Variants in MLF1 observed in about 807,000 individuals in gnomAD.
The protein encoded by MLF1 is myelodysplasia-myeloid leukemia factor 1.
In MLF1, 37 loss-of-function variants were observed where a neutral mutation model predicts 38.3. The observed-to-expected ratio is 0.96, with a 90% CI of 0.74 to 1.27. MLF1 has a LOEUF of 1.27. MLF1 is among the 50% of genes most tolerant of loss of function. The pLI is 0.00. For synonymous variants in MLF1, 95 were observed against 106.5 expected (o/e 0.89, Z 0.66); for missense variants, 331 against 349.2 (o/e 0.95, Z 0.42).
chr3:158,603,641 C>T (rs1015946802), intron 7 of MLF1, among the ~76,000 whole-genome samples: 1 of 152,056 alleles, frequency 6.6e-6, no homozygotes, highest in Admixed American at 6.5e-5. Flanking sequence ...AGTTCGATAC[C>T]AGCCTGGCCA....
rs1033454019 is a variant in MLF1 at position 158,605,094 on chromosome 3, C to T, written c.747-3C>T. On this transcript the variant is annotated splice_polypyrimidine_tract_variant and splice_region_variant and intron_variant, in intron 7 of 7. Coordinates refer to ENST00000466246, the MANE Select transcript of MLF1 (RefSeq NM_001369783.1). ...TATTAATATTCACATGTATATTTCT[C>T]AGGGAGAAACCTCAACAAAGTCCAG... The T allele has an allele frequency of 6.8e-6, 11 of 1,607,152 alleles. No individual in the cohort carries two copies. The African/African-American group carries it at 1.3e-4, about 20-fold the overall frequency.
In MLF1 at chr3:158,596,889, A is replaced by C. The variant is rs373208111; in HGVS notation, c.268A>C (p.Met90Leu). Residue 90 changes from methionine (M) to leucine (L), a missense_variant, in exon 4 of 8, where the codon ATG (methionine) becomes CTG (leucine). Transcript: ENST00000466246. ...MHTDVSSFQT[M>L]DQMVSNMRNY... ...TACAGATGTCAGCTCTTTCCAGACA[A>C]TGGACCAAATGGTGTCAAATATGAG... 6.2e-7 allele frequency: 1 copy of C among 1,610,144 alleles called. No homozygotes were observed. Among genetic ancestry groups the C allele is most frequent in the Non-Finnish European group, 8.5e-7 (1 of 1,177,568 alleles).
intron 6 of MLF1, among the ~76,000 whole-genome samples, chr3:158,600,966 A>T (rs1362172645): frequency 2.0e-5 from 3 of 151,350 alleles, no homozygotes; most frequent in African/African-American, 7.2e-5. Context: ...TTAATCATTA[A>T]ATTTAAATTA....
intron 1 of MLF1, chr3:158,590,760 C>G: frequency 2.2e-6 from 1 of 456,020 alleles, no homozygotes; most frequent in South Asian, 1.6e-5. Flanking sequence ...GACGAGGAAG[C>G]TTTTTGGAAT....
In MLF1 at chr3:158,595,177, TG is replaced by T. The variant is rs556209521; in HGVS notation, c.241-1679del. 5.9e-5 allele frequency among the ~76,000 whole-genome samples: 9 copies of T among 151,902 alleles called. No individual in the cohort carries two copies. The East Asian group carries it at 1.7e-3, about 29-fold the overall frequency. ...ATGAAACAGGGTAATGATACAGAGA[TG>T]GGGGGAAGTGAAGGAGGGATTAGAC... On this transcript the variant is annotated intron_variant, in intron 3 of 7. Coordinates refer to ENST00000466246, the MANE Select transcript of MLF1 (RefSeq NM_001369783.1).
intron 1 of MLF1, among the ~76,000 whole-genome samples, chr3:158,579,127 C>T (rs7631310): frequency 0.56 from 85,427 of 151,890 alleles, 24,905 homozygotes; most frequent in African/African-American, 0.72. Flanking sequence ...GTTTGTATAG[C>T]ATGACCTTTT....
At chr3:158,597,217 C>T (rs1379015289) in intron 4 of MLF1, among the ~76,000 whole-genome samples, 1 of 151,770 alleles carries the variant, frequency 6.6e-6, no homozygotes, top group African/African-American at 2.4e-5. Flanking sequence ...GAGTTCATAA[C>T]CTCCAAGTTT....
chr3:158,585,471 A>G (rs1717118561), intron 1 of MLF1, among the ~76,000 whole-genome samples: 1 of 152,202 alleles, frequency 6.6e-6, no homozygotes, highest in African/African-American at 2.4e-5. Context: ...TTTTCTTTGT[A>G]AATTACCCAG....
At chr3:158,589,754 G>C (rs996868092) in intron 1 of MLF1, among the ~76,000 whole-genome samples, 31 of 151,988 alleles carry the variant, frequency 2.0e-4, no homozygotes, top group African/African-American at 7.5e-4. Flanking sequence ...GTCCAAAATG[G>C]GTTTCCCTGG....
intron 1 of MLF1, among the ~76,000 whole-genome samples, chr3:158,574,477 G>A (rs1469960766): frequency 7.1e-6 from 1 of 139,974 alleles, no homozygotes; most frequent in Non-Finnish European, 1.5e-5. Context: ...AGACCAGCCT[G>A]ACCAACATGG....
At chr3:158,585,352 T>A (rs1015230923) in intron 1 of MLF1, among the ~76,000 whole-genome samples, 6 of 152,154 alleles carry the variant, frequency 3.9e-5, no homozygotes, top group African/African-American at 7.2e-5. Context: ...ACATACTGGT[T>A]CCCCTTTACC....
At chr3:158,601,362 G>A (rs1204361655) in intron 6 of MLF1, among the ~76,000 whole-genome samples, 3 of 152,064 alleles carry the variant, frequency 2.0e-5, no homozygotes, top group African/African-American at 4.8e-5. Flanking sequence ...GAGGTCAGGA[G>A]TTCAAGACCA....
At chr3:158,589,412 A>G (rs1418689192) in intron 1 of MLF1, among the ~76,000 whole-genome samples, 4 of 151,954 alleles carry the variant, frequency 2.6e-5, no homozygotes, top group Non-Finnish European at 5.9e-5. Flanking sequence ...GGGTTTCACC[A>G]TGTTGGCCAG....
At chr3:158,575,994 G>A (rs1041454091) in intron 1 of MLF1, among the ~76,000 whole-genome samples, 1 of 151,984 alleles carries the variant, frequency 6.6e-6, no homozygotes, top group African/African-American at 2.4e-5. Context: ...TGCTGATAAG[G>A]TGCTGTGGTT....
chr3:158,579,392 G>A (rs909445996), intron 1 of MLF1, among the ~76,000 whole-genome samples: 2 of 152,142 alleles, frequency 1.3e-5, no homozygotes, highest in African/African-American at 4.8e-5. Context: ...AAACTCACTA[G>A]AAGTTTCAGC....
chr3:158,572,473 G>C (rs1416372659), intron 1 of MLF1, among the ~76,000 whole-genome samples: 1 of 138,958 alleles, frequency 7.2e-6, no homozygotes, highest in Non-Finnish European at 1.6e-5. Flanking sequence ...GTGGATGGAG[G>C]AGGATTTAGG....
At chr3:158,597,554 T>C (rs773403161) in intron 4 of MLF1, among the ~76,000 whole-genome samples, 5 of 152,164 alleles carry the variant, frequency 3.3e-5, no homozygotes, top group Admixed American at 1.3e-4. Flanking sequence ...CATAACATTC[T>C]AGTCATCCAG....
chr3:158,589,010 C>A, intron 1 of MLF1: 1 of 425,390 alleles, frequency 2.4e-6, no homozygotes, highest in Non-Finnish European at 4.7e-6. Context: ...AATCCAAAGT[C>A]ACTAAGGAGG....
chr3:158,605,110 C>T lies in MLF1; in HGVS notation c.760C>T (p.Gln254Ter). Residue 254 changes from glutamine to a stop codon, truncating the protein, a stop_gained, in exon 8 of 8, where the codon CAA becomes TAA. Transcript: ENST00000466246. LOFTEE classifies it high-confidence loss of function. ...RELKRREKPQ[Q>*]SPAIEHGRRS... ...TATATTTCTCAGGGAGAAACCTCAA[C>T]AAAGTCCAGCCATTGAACATGGAAG... 14 of 1,612,564 alleles carry T rather than the reference C, an allele frequency of 8.7e-6. No individual in the cohort carries two copies. Among genetic ancestry groups the T allele is most frequent in the Non-Finnish European group, 1.2e-5 (14 of 1,179,096 alleles).
Sources: allele counts gnomAD v4.1 joint callset (sites outside exome capture counted in the v4.1 genomes callset), GRCh38; gene constraint gnomAD v4.1.1; transcripts MANE v1.5; gene names NCBI Gene and HGNC (gene_info 2026-07-23, HGNC 2026-07-21).